Variants in SPIRE1 observed in about 807,000 individuals in gnomAD.
SPIRE1 encodes the protein spire type actin nucleation factor 1.
A neutral mutation model predicts 94.1 loss-of-function variants in SPIRE1; 40 were observed. The observed-to-expected ratio is 0.43, with a 90% CI of 0.33 to 0.55. The LOEUF is 0.55. SPIRE1 is among the 20% of genes least tolerant of loss of function. The pLI is 0.06. For missense variants in SPIRE1, 838 were observed against 975.2 expected (o/e 0.86, Z 1.87); for synonymous variants, 376 against 371.7 (o/e 1.01, Z -0.13).
chr18:12,643,175 T>A (rs1184601536), intron 1 of SPIRE1, among the ~76,000 whole-genome samples: 1 of 152,040 alleles, frequency 6.6e-6, no homozygotes, highest in African/African-American at 2.4e-5. Flanking sequence ...TGGAGCCACA[T>A]TTCTGACACT....
At chr18:12,544,943 G>C (rs1278691424) in intron 3 of SPIRE1, among the ~76,000 whole-genome samples, 1 of 152,088 alleles carries the variant, frequency 6.6e-6, no homozygotes, top group Non-Finnish European at 1.5e-5. Flanking sequence ...TTAGGTGGGT[G>C]TTCCTTTCCT....
chr18:12,566,808 A>AG lies in SPIRE1; in HGVS notation c.373-19905dup, dbSNP rs560005237. On this transcript the variant is annotated intron_variant, in intron 2 of 16. Transcript: ENST00000409402. ...ATGTCAACCCTCTACAATCTACCTC[A>AG]GAATATACAAGCAGAAGGAATATTT... Among the ~76,000 whole-genome samples the AG allele has an allele frequency of 2.9e-3, 448 of 152,300 alleles. 1 individual carries two copies. The highest frequency in any genetic ancestry group is 4.4e-3 in the Non-Finnish European group (301 of 68,024).
chr18:12,609,224 C>T (rs1294057738), intron 2 of SPIRE1, among the ~76,000 whole-genome samples: 1 of 152,086 alleles, frequency 6.6e-6, no homozygotes, highest in Non-Finnish European at 1.5e-5. Context: ...GATTGCAGAC[C>T]CCTGCTCTAA....
intron 2 of SPIRE1, among the ~76,000 whole-genome samples, chr18:12,549,389 A>G (rs2035268940): frequency 6.7e-6 from 1 of 148,440 alleles, no homozygotes; most frequent in South Asian, 2.2e-4. Flanking sequence ...CATCCATATA[A>G]CCCTCCCCTT....
chr18:12,476,557 AAAAAAAAAT>A (rs1420493384), intron 10 of SPIRE1, among the ~76,000 whole-genome samples: 23 of 84,344 alleles, frequency 2.7e-4, no homozygotes, highest in African/African-American at 1.4e-3. Context: ...AAAAAAAAAA[AAAAAAAAAT>A]ATATATATAT....
chr18:12,621,769 G>C (rs566087316), intron 2 of SPIRE1, among the ~76,000 whole-genome samples: 7 of 152,218 alleles, frequency 4.6e-5, no homozygotes, highest in African/African-American at 1.4e-4. Context: ...TTGTGGTGAT[G>C]GCTGCATAAC....
chr18:12,551,737 G>A (rs1181580862), intron 2 of SPIRE1, among the ~76,000 whole-genome samples: 4 of 151,708 alleles, frequency 2.6e-5, no homozygotes, highest in Admixed American at 2.6e-4. Flanking sequence ...GAGAGGGGTG[G>A]AGCAAGAGAG....
chr18:12,459,447 C>T (rs930209868), intron 12 of SPIRE1, among the ~76,000 whole-genome samples: 8 of 152,216 alleles, frequency 5.3e-5, no homozygotes, highest in African/African-American at 1.9e-4. Context: ...CCCACGGGCT[C>T]AGAGTGCCTG....
intron 2 of SPIRE1, among the ~76,000 whole-genome samples, chr18:12,630,809 C>G (rs949091817): frequency 1.3e-5 from 2 of 152,154 alleles, no homozygotes; most frequent in Non-Finnish European, 2.9e-5. Flanking sequence ...ACAGGCTGCC[C>G]CAGAATGGCA....
chr18:12,658,123 C>A, upstream of SPIRE1: 4 of 969,428 alleles, frequency 4.1e-6, no homozygotes, highest in Non-Finnish European at 4.9e-6. Context: ...CCCGCCCCGC[C>A]CCGCCCCGCC....
At chr18:12,512,707 T>C (rs566045159) in intron 4 of SPIRE1, among the ~76,000 whole-genome samples, 176 bp from the exon 5 acceptor site, 3 of 152,102 alleles carry the variant, frequency 2.0e-5, no homozygotes, top group Non-Finnish European at 2.9e-5. Flanking sequence ...GGATCCATTT[T>C]ACTGAGGATG....
At chr18:12,578,278 C>A (rs1162589990) in intron 2 of SPIRE1, among the ~76,000 whole-genome samples, 2 of 152,110 alleles carry the variant, frequency 1.3e-5, no homozygotes, top group African/African-American at 2.4e-5. Flanking sequence ...TTTGCAATCA[C>A]CCAAAACTGT....
intron 10 of SPIRE1, among the ~76,000 whole-genome samples, chr18:12,476,560 AAAAAATATATATAT>A (rs1345396823): frequency 6.5e-5 from 5 of 76,370 alleles, no homozygotes; most frequent in Admixed American, 1.4e-4. Context: ...AAAAAAAAAA[AAAAAATATATATAT>A]ATATATATAT....
rs1193129190 is a variant in SPIRE1, at chr18:12,452,263, G to A, written c.2004C>T (p.Ser668=). The A allele has an allele frequency of 6.2e-7, 1 of 1,613,826 alleles. No homozygotes were observed. The highest frequency in any genetic ancestry group is 8.5e-7 in the Non-Finnish European group (1 of 1,179,952). The stretch of plus-strand genomic sequence containing the variant: ...CCAGGCCCCTTGCTCACCTGGCAAT[G>A]CTCCGAAGTGGCCGATGATGGGCAG... ...PSTAHHRPLR[S]IARFSSKSKS... The change falls in exon 16 of 17, where the codon AGC becomes AGT. Residue 668 remains serine, a synonymous_variant. Transcript: ENST00000409402.
intron 2 of SPIRE1, among the ~76,000 whole-genome samples, chr18:12,570,572 T>G (rs1300208969): frequency 7.2e-5 from 11 of 152,230 alleles, no homozygotes; most frequent in Non-Finnish European, 1.3e-4. Flanking sequence ...GGAGTATGTT[T>G]TCCTTTATAC....
chr18:12,536,312 A>T (rs1001517491), intron 3 of SPIRE1, among the ~76,000 whole-genome samples: 1 of 152,188 alleles, frequency 6.6e-6, no homozygotes, highest in African/African-American at 2.4e-5. Flanking sequence ...ATACAACATA[A>T]TACCATTTAC....
chr18:12,535,728 A>G lies in SPIRE1; in HGVS notation c.604-127T>C, dbSNP rs2034822188. On this transcript the variant is annotated intron_variant, in intron 3 of 16. Transcript: ENST00000409402. ...TCCCAGCACTTTGGGAGGCCAACGC[A>G]GGCAGATCATGAGGTCGAGAGTTCA... The G allele has an allele frequency of 6.9e-6, 5 of 720,856 alleles. No homozygotes were observed. The South Asian group carries it at 8.6e-5, about 12-fold the overall frequency. 44.7% of individuals were successfully genotyped at this position (720,856 alleles called of 1,614,324 possible). A position where few individuals can be genotyped will look rare whatever the true frequency, so the allele number is the denominator to read the frequency against.
chr18:12,562,214 C>A (rs2035705883), intron 2 of SPIRE1, among the ~76,000 whole-genome samples: 1 of 152,154 alleles, frequency 6.6e-6, no homozygotes, highest in Non-Finnish European at 1.5e-5. Context: ...GGATTTACAA[C>A]CTTGTTTATG....
rs1026489451 is a variant in SPIRE1, at chr18:12,568,134, G to A, written c.373-21230C>T. Among the ~76,000 whole-genome samples, 13 of 152,320 alleles carry A rather than the reference G, an allele frequency of 8.5e-5. 1 individual carries two copies. The South Asian group carries it at 1.7e-3, about 19-fold the overall frequency. ...CATACGTAGACGTAGAAGAGTGATC[G>A]GGGTACTTCAAGGATGCTGGGGTTC... is the stretch of plus-strand genomic sequence containing the variant. On this transcript the variant is annotated intron_variant, in intron 2 of 16. Coordinates refer to ENST00000409402, the MANE Select transcript of SPIRE1 (RefSeq NM_001128626.2).
Sources: gnomAD v4.1 joint callset for allele counts (sites outside exome capture counted in the v4.1 genomes callset) on GRCh38, gnomAD v4.1.1 for gene constraint, MANE v1.5 for transcripts, NCBI Gene and HGNC (gene_info 2026-07-23, HGNC 2026-07-21) for gene names.